KCNIP1: variants seen among roughly 807,000 people sequenced by gnomAD.
KCNIP1 encodes the protein potassium voltage-gated channel interacting protein 1.
KCNIP1 carries 18 observed loss-of-function variants against 33.0 expected under a neutral mutation model. The observed-to-expected ratio is 0.55, with a 90% confidence interval of 0.38 to 0.81. The LOEUF (loss-of-function observed/expected upper bound fraction) is 0.81. Ranked by LOEUF, KCNIP1 falls within the 30% of genes least tolerant of loss-of-function variation. KCNIP1 has a pLI of 0.00. For missense variants in KCNIP1, 238 were observed against 271.6 expected, an observed-to-expected ratio of 0.88 and a Z score of 0.87; for synonymous variants, 93 against 98.3, an observed-to-expected ratio of 0.95 and a Z score of 0.32.
At chr5:170,356,727 G>T (rs1239851873) in intron 1 of KCNIP1, among the ~76,000 whole-genome samples, 3 of 152,188 alleles carry the variant, frequency 2.0e-5, no homozygotes, top group South Asian at 2.1e-4. Flanking sequence ...CTAGCATGGG[G>T]CCCAGAATGG....
chr5:170,598,676 G>A (rs1190398114), intron 1 of KCNIP1, among the ~76,000 whole-genome samples: 1 of 152,156 alleles, frequency 6.6e-6, no homozygotes, highest in Non-Finnish European at 1.5e-5. Flanking sequence ...GAGAGGGGAG[G>A]CCTGGGAGGT....
At chr5:170,379,145 T>A (rs1764135444) in intron 1 of KCNIP1, among the ~76,000 whole-genome samples, 1 of 152,136 alleles carries the variant, frequency 6.6e-6, no homozygotes, top group African/African-American at 2.4e-5. Flanking sequence ...GAGAGCACGC[T>A]CTCATTTGTG....
rs77644599 is a variant in KCNIP1, at chr5:170,566,633, T to C, written c.61+62000T>C. 3.2e-3 allele frequency among the ~76,000 whole-genome samples: 489 copies of C among 152,288 alleles called. 4 individuals carry two copies. The highest frequency in any genetic ancestry group is 0.011 in the African/African-American group (450 of 41,564). Reference sequence around the variant, plus strand: ...AGACCTCGTAGTCTACATTGATAGATGTAAACAGCATTGGTTTCTGTCTTA... The same window carrying C: ...AGACCTCGTAGTCTACATTGATAGACGTAAACAGCATTGGTTTCTGTCTTA... On this transcript the variant is annotated intron_variant, in intron 1 of 7. Transcript: ENST00000328939.
chr5:170,685,709 G>A (rs1355348457), intron 1 of KCNIP1, among the ~76,000 whole-genome samples: 5 of 151,924 alleles, frequency 3.3e-5, no homozygotes, highest in African/African-American at 1.2e-4. Flanking sequence ...GGCTAGCCTC[G>A]AACTCCTGAC....
intron 1 of KCNIP1, among the ~76,000 whole-genome samples, chr5:170,702,436 A>G (rs908027425): frequency 6.6e-6 from 1 of 152,156 alleles, no homozygotes; most frequent in African/African-American, 2.4e-5. Context: ...CCCAGAGTGG[A>G]GGCTGCTTTG....
intron 1 of KCNIP1, among the ~76,000 whole-genome samples, chr5:170,597,098 T>C: frequency 6.6e-6 from 1 of 152,230 alleles, no homozygotes. Flanking sequence ...CTGATCCGGC[T>C]CCAGCATCCG....
chr5:170,602,781 G>A (rs1348230234), intron 1 of KCNIP1, among the ~76,000 whole-genome samples: 1 of 152,206 alleles, frequency 6.6e-6, no homozygotes, highest in African/African-American at 2.4e-5. Flanking sequence ...CATATTTACA[G>A]GGGCCAGATG....
chr5:170,412,084 A>T (rs6885208), intron 1 of KCNIP1, among the ~76,000 whole-genome samples: 1 of 152,104 alleles, frequency 6.6e-6, no homozygotes. Flanking sequence ...GTTGGACCCA[A>T]TGAAAAGAAA....
At chr5:170,552,935 G>A (rs781343908) in intron 1 of KCNIP1, among the ~76,000 whole-genome samples, 4 of 152,210 alleles carry the variant, frequency 2.6e-5, no homozygotes, top group African/African-American at 9.6e-5. Flanking sequence ...CTCCTCTCCC[G>A]CAGGACCCCA....
At chr5:170,411,646 C>A (rs1561612782) in intron 1 of KCNIP1, among the ~76,000 whole-genome samples, 1 of 152,048 alleles carries the variant, frequency 6.6e-6, no homozygotes, top group Non-Finnish European at 1.5e-5. Context: ...TTATATCCCC[C>A]CAACAAATCT....
intron 1 of KCNIP1, among the ~76,000 whole-genome samples, chr5:170,373,279 C>T (rs1418157668): frequency 1.3e-5 from 2 of 152,188 alleles, no homozygotes; most frequent in African/African-American, 4.8e-5. Flanking sequence ...AAAACTAAAG[C>T]CCTCCTCCTG....
rs149894843 is a variant in KCNIP1, at chr5:170,587,829, C to T, written c.61+83196C>T. 5.7e-3 allele frequency among the ~76,000 whole-genome samples: 866 copies of T among 152,356 alleles called. 29 individuals carry two copies. The highest frequency in any genetic ancestry group is 0.05 in the Admixed American group (769 of 15,306). ...CTTACCATGTAAGGTAACATATTCA[C>T]AGCTTCTGGGGATTAGGACATGCAT... On this transcript the variant is annotated intron_variant, in intron 1 of 7. Transcript: ENST00000328939.
chr5:170,651,792 A>G (rs900383612), intron 1 of KCNIP1, among the ~76,000 whole-genome samples: 4 of 152,184 alleles, frequency 2.6e-5, no homozygotes, highest in African/African-American at 9.7e-5. Context: ...ATGCATTTAT[A>G]TGGTACCTAT....
chr5:170,522,200 G>A (rs955429493), intron 1 of KCNIP1, among the ~76,000 whole-genome samples: 8 of 152,202 alleles, frequency 5.3e-5, no homozygotes, highest in South Asian at 2.1e-4. Flanking sequence ...GGCAGGGTCC[G>A]CACCAAGCCT....
intron 1 of KCNIP1, among the ~76,000 whole-genome samples, chr5:170,685,767 G>C (rs887616135): frequency 1.3e-5 from 2 of 152,112 alleles, no homozygotes; most frequent in Non-Finnish European, 2.9e-5. Context: ...GGGATTACAG[G>C]TGTGAGCCAC....
At chr5:170,390,517 A>AAAAATATATATAT in intron 1 of KCNIP1, among the ~76,000 whole-genome samples, 11 of 74,544 alleles carry the variant, frequency 1.5e-4, no homozygotes, top group South Asian at 4.4e-4. Flanking sequence ...AAAAAAAACA[A>AAAAATATATATAT]ATATATATAT....
intron 1 of KCNIP1, among the ~76,000 whole-genome samples, chr5:170,669,284 T>C (rs1427620842): frequency 6.6e-6 from 1 of 152,216 alleles, no homozygotes; most frequent in Non-Finnish European, 1.5e-5. Flanking sequence ...AGTTTTCAAA[T>C]CTCTCTGGAC....
intron 1 of KCNIP1, among the ~76,000 whole-genome samples, chr5:170,623,663 G>A (rs1357734018): frequency 1.3e-5 from 2 of 152,166 alleles, no homozygotes; most frequent in Non-Finnish European, 2.9e-5. Flanking sequence ...AGTCTGGGAC[G>A]AAAAGGGATA....
At chr5:170,681,905 T>A (rs1456625570) in intron 1 of KCNIP1, among the ~76,000 whole-genome samples, 2 of 152,242 alleles carry the variant, frequency 1.3e-5, no homozygotes, top group Non-Finnish European at 2.9e-5. Flanking sequence ...TTTTTGTCAC[T>A]TAAAATTAGG....
Sources: gnomAD v4.1 joint callset for allele counts (sites outside exome capture counted in the v4.1 genomes callset) on GRCh38, gnomAD v4.1.1 for gene constraint, MANE v1.5 for transcripts, NCBI Gene and HGNC (gene_info 2026-07-23, HGNC 2026-07-21) for gene names.